TENM3: variants seen among roughly 807,000 people sequenced by gnomAD.
TENM3 encodes teneurin-3.
Under a neutral mutation model 255.1 loss-of-function variants are expected in TENM3, and 63 were observed. The observed-to-expected ratio is 0.25, with a 90% CI of 0.20 to 0.30. The LOEUF is 0.30. Among genes scored for constraint, TENM3 ranks in the 10% least tolerant of loss-of-function variants. The pLI is 1.00. For synonymous variants in TENM3, 1,306 were observed against 1,322.3 expected (o/e 0.99, Z 0.27); for missense variants, 2,929 against 3,461.1 (o/e 0.85, Z 3.86).
chr4:181,775,824 T>C, the TENM3 span, among the ~76,000 whole-genome samples: 9 of 152,176 alleles, frequency 5.9e-5, no homozygotes, highest in Non-Finnish European at 4.4e-5. Context: ...TTTATGGGGG[T>C]ACATGTAATA....
At chr4:182,121,246 A>G in the TENM3 span, among the ~76,000 whole-genome samples, 3 of 151,778 alleles carry the variant, frequency 2.0e-5, no homozygotes, top group Admixed American at 6.6e-5. Flanking sequence ...GATCCGCCCA[A>G]CTCGGCCTCC....
intron 3 of TENM3, among the ~76,000 whole-genome samples, chr4:182,543,760 A>G (rs1047780236): frequency 6.6e-6 from 1 of 151,260 alleles, no homozygotes; most frequent in African/African-American, 2.4e-5. Flanking sequence ...CCAGAAAAGT[A>G]TATTTTTTTT....
the TENM3 span, among the ~76,000 whole-genome samples, chr4:181,962,512 G>C: frequency 6.6e-6 from 1 of 152,196 alleles, no homozygotes; most frequent in African/African-American, 2.4e-5. Flanking sequence ...TCCCAGATGA[G>C]TGGATTAAGG....
At chr4:181,920,663 T>C in the TENM3 span, among the ~76,000 whole-genome samples, 1 of 151,738 alleles carries the variant, frequency 6.6e-6, no homozygotes, top group Admixed American at 6.6e-5. Context: ...GTTGCAAAAA[T>C]TTTCTCCCAT....
At chr4:182,241,695 A>C (rs868759425), upstream of TENM3, among the ~76,000 whole-genome samples, 2 of 144,538 alleles carry the variant, frequency 1.4e-5, no homozygotes, top group African/African-American at 5.3e-5. Flanking sequence ...TTTTTAGTAG[A>C]GACGGGTTTT....
chr4:182,740,748 T>C (rs12645760), intron 18 of TENM3, among the ~76,000 whole-genome samples: 99,001 of 152,070 alleles, frequency 0.65, 32,635 homozygotes, highest in East Asian at 0.8. Context: ...GTAGATGTTC[T>C]GTATATGTAT....
At chr4:182,140,106 A>G (rs563896163), upstream of TENM3, among the ~76,000 whole-genome samples, 27 of 152,246 alleles carry the variant, frequency 1.8e-4, no homozygotes, top group Non-Finnish European at 3.5e-4. Context: ...CAGTGGGGGG[A>G]AAACCCCACC....
At chr4:182,701,751 A>T (rs1757898761) in intron 12 of TENM3, among the ~76,000 whole-genome samples, 1 of 152,222 alleles carries the variant, frequency 6.6e-6, no homozygotes, top group Admixed American at 6.5e-5. Flanking sequence ...CTAGATATGC[A>T]ATTATGACTA....
chr4:182,043,005 A>G, the TENM3 span, among the ~76,000 whole-genome samples: 1 of 151,232 alleles, frequency 6.6e-6, no homozygotes, highest in Non-Finnish European at 1.5e-5. Context: ...TTTTTTTTTA[A>G]GAATAAAATT....
chr4:182,579,542 A>G (rs1186836522), intron 3 of TENM3, among the ~76,000 whole-genome samples: 1 of 152,200 alleles, frequency 6.6e-6, no homozygotes, highest in African/African-American at 2.4e-5. Flanking sequence ...TGGATTGGGC[A>G]GAGAGTATAA....
the TENM3 span, among the ~76,000 whole-genome samples, chr4:181,687,091 G>A: frequency 7.9e-5 from 12 of 152,086 alleles, no homozygotes; most frequent in African/African-American, 2.9e-4. Flanking sequence ...TTTTAGAAAT[G>A]TACCCTTTGA....
chr4:181,798,373 A>G, the TENM3 span, among the ~76,000 whole-genome samples: 1 of 151,934 alleles, frequency 6.6e-6, no homozygotes, highest in East Asian at 1.9e-4. Context: ...CGGTGCTACA[A>G]TCTCAGCTCA....
chr4:182,621,702 TAAAATATATA>T lies in TENM3; in HGVS notation c.750-6947_750-6938del, dbSNP rs1362875032. Among the ~76,000 whole-genome samples the T allele has an allele frequency of 0.036, 16 of 446 alleles. No individual in the cohort carries two copies. The South Asian group carries it at 0.4, about 11-fold the overall frequency. 0.3% of individuals were successfully genotyped at this position (446 alleles called of 152,430 possible). A position where few individuals can be genotyped will look rare whatever the true frequency, so the allele number is the denominator to read the frequency against. On this transcript the variant is annotated intron_variant, in intron 4 of 27. Transcript: ENST00000511685. ...TAAAATATATAATATATATTATATA[TAAAATATATA>T]ATATATATTATATATAAAATATATA...
chr4:181,723,063 G>A, the TENM3 span, among the ~76,000 whole-genome samples: 1 of 152,054 alleles, frequency 6.6e-6, no homozygotes. Context: ...TAAAATGTGT[G>A]TTCTACTAAG....
intron 1 of TENM3, among the ~76,000 whole-genome samples, chr4:182,272,292 C>T (rs1438077022): frequency 2.0e-5 from 3 of 152,180 alleles, no homozygotes; most frequent in Non-Finnish European, 2.9e-5. Context: ...ATAAATGTCC[C>T]AGCAGTCTCA....
chr4:182,227,879 T>C (rs994328842), intron 1 of TENM3, among the ~76,000 whole-genome samples: 1 of 152,102 alleles, frequency 6.6e-6, no homozygotes, highest in Non-Finnish European at 1.5e-5. Context: ...CAGTATTTCA[T>C]GAGAATGGGT....
the TENM3 span, among the ~76,000 whole-genome samples, chr4:181,825,442 A>G: frequency 6.6e-6 from 1 of 150,756 alleles, no homozygotes; most frequent in Non-Finnish European, 1.5e-5. Flanking sequence ...AATAGTTGAC[A>G]TTAATATTTT....
intron 12 of TENM3, among the ~76,000 whole-genome samples, chr4:182,692,366 G>A (rs917396809): frequency 2.0e-5 from 3 of 152,208 alleles, no homozygotes; most frequent in Non-Finnish European, 2.9e-5. Flanking sequence ...TTTTACTACT[G>A]CTAACCTATC....
At chr4:182,107,788 T>C in the TENM3 span, among the ~76,000 whole-genome samples, 1 of 152,210 alleles carries the variant, frequency 6.6e-6, no homozygotes, top group South Asian at 2.1e-4. Context: ...TTCCTTATGA[T>C]GCTTAACTTC....
Sources: allele counts gnomAD v4.1 joint callset (sites outside exome capture counted in the v4.1 genomes callset), GRCh38; gene constraint gnomAD v4.1.1; transcripts MANE v1.5; gene names NCBI Gene and HGNC (gene_info 2026-07-23, HGNC 2026-07-21).